NRK: variants seen among roughly 807,000 people sequenced by gnomAD.
NRK encodes the protein nik-related protein kinase.
In NRK, 67 loss-of-function variants were observed where a neutral mutation model predicts 125.2. The ratio of observed to expected loss-of-function variants is 0.54; its 90% confidence interval spans 0.44 to 0.66. The LOEUF (loss-of-function observed/expected upper bound fraction) is 0.66. NRK is among the 30% of genes least tolerant of loss of function. The pLI, the probability that NRK is intolerant of heterozygous loss-of-function variation, is 0.00. For missense variants in NRK, 1,224 were observed against 1,192.9 expected, an observed-to-expected ratio of 1.03 and a Z score of -0.38; for synonymous variants, 458 against 429.0, an observed-to-expected ratio of 1.07 and a Z score of -0.84.
At chrX:105,862,041 C>A (rs780215484) in intron 2 of NRK, among the ~76,000 whole-genome samples, 3 of 110,209 alleles carry the variant, frequency 2.7e-5, no homozygotes, top group Non-Finnish European at 5.7e-5. Flanking sequence ...CCAGCCTGTG[C>A]GGCACAGCAA....
At chrX:105,845,631 C>A (rs186550332) in intron 2 of NRK, among the ~76,000 whole-genome samples, 42 of 111,585 alleles carry the variant, frequency 3.8e-4, no homozygotes, top group South Asian at 1.5e-3. Context: ...TCAACTTTAC[C>A]CCCATCACAG....
intron 13 of NRK, among the ~76,000 whole-genome samples, chrX:105,910,258 T>C (rs1344874585): frequency 8.9e-6 from 1 of 112,232 alleles, no homozygotes. Context: ...CAAAATTTGC[T>C]TTTGTTACTC....
At position 105,937,385 on chromosome X, in the gene NRK, A is replaced by G. The variant is rs1324995193; in HGVS notation, c.3656-54A>G. On this transcript the variant is annotated intron_variant, in intron 21 of 28. Transcript: ENST00000243300. ...TGGAATAGCAAAAATAGTAATATAG[A>G]TGCAATTATGAAAAATAATCTGAGC... The G allele has an allele frequency of 8.4e-6, 6 of 711,926 alleles. No individual in the cohort carries two copies. In the East Asian group the frequency reaches 1.8e-4, roughly 21 times the overall value. The allele number at this position is 711,926 out of a possible 1,213,427, so 58.7% of individuals were successfully genotyped here. A position where few individuals can be genotyped will look rare whatever the true frequency, so the allele number is the denominator to read the frequency against.
At chrX:105,870,602 G>A (rs972297043) in intron 2 of NRK, among the ~76,000 whole-genome samples, 3 of 111,757 alleles carry the variant, frequency 2.7e-5, no homozygotes, top group Non-Finnish European at 3.8e-5. Context: ...TGTACAATTC[G>A]TCATTTGAGT....
chrX:105,864,152 C>T (rs1180142962), intron 2 of NRK, among the ~76,000 whole-genome samples: 1 of 111,937 alleles, frequency 8.9e-6, no homozygotes, highest in Non-Finnish European at 1.9e-5. Flanking sequence ...GCAGAGTGTA[C>T]ACTTGTAAAT....
intron 2 of NRK, among the ~76,000 whole-genome samples, chrX:105,835,716 C>T: frequency 9.2e-6 from 1 of 108,447 alleles, no homozygotes; most frequent in Non-Finnish European, 1.9e-5. Flanking sequence ...TCCCCTAGGG[C>T]TTAAGACTTT....
At chrX:105,901,149 T>A (rs774863105) in intron 9 of NRK, among the ~76,000 whole-genome samples, 17 of 110,565 alleles carry the variant, frequency 1.5e-4, no homozygotes, top group Non-Finnish European at 2.5e-4. Context: ...GAAGTAAGCC[T>A]GTTTTTTTTT....
chrX:105,927,556 A>C lies in NRK; in HGVS notation c.3312+2525A>C, dbSNP rs188357269. On this transcript the variant is annotated intron_variant, in intron 19 of 28. Coordinates refer to ENST00000243300, the MANE Select transcript of NRK (RefSeq NM_198465.4). ...AAAGTGGATATTTTTGTCTTATTCC[A>C]GTTCTTAGAGGAAAGAATTTCAGCT... Among the ~76,000 whole-genome samples, 162 of 111,425 alleles carry C rather than the reference A, an allele frequency of 1.5e-3. 1 individual carries two copies. The highest frequency in any genetic ancestry group is 5.1e-3 in the African/African-American group (156 of 30,832).
intron 2 of NRK, among the ~76,000 whole-genome samples, chrX:105,846,198 G>A (rs780222108): frequency 3.6e-5 from 4 of 111,918 alleles, no homozygotes; most frequent in East Asian, 2.8e-4. Flanking sequence ...CACAGGCCAG[G>A]CTATCACTGG....
chrX:105,869,377 T>G (rs2039713640), intron 2 of NRK, among the ~76,000 whole-genome samples: 1 of 111,516 alleles, frequency 9.0e-6, no homozygotes, highest in South Asian at 3.8e-4. Flanking sequence ...TTGTACTATC[T>G]TAAATGTAAA....
At chrX:105,845,225 A>G (rs753857370) in intron 2 of NRK, among the ~76,000 whole-genome samples, 2 of 112,164 alleles carry the variant, frequency 1.8e-5, no homozygotes, top group Non-Finnish European at 3.8e-5. Context: ...AAAAAAAGCT[A>G]TGAGGGCAGG....
intron 4 of NRK, 53 bp from the exon 5 acceptor site, chrX:105,888,241 A>G (rs1054620370): frequency 1.9e-6 from 2 of 1,078,965 alleles, no homozygotes; most frequent in South Asian, 2.3e-5. Flanking sequence ...TTAGGGACTT[A>G]TAGTCATTGA....
chrX:105,919,702 T>C (rs1376267381), intron 16 of NRK, among the ~76,000 whole-genome samples: 1 of 111,697 alleles, frequency 9.0e-6, no homozygotes, highest in Non-Finnish European at 1.9e-5. Context: ...TGTATTGAAC[T>C]ACATCTGGAT....
rs765861647 is a variant in NRK at position 105,923,209 on chromosome X, G to A, written c.2702G>A (p.Arg901Gln). Reference protein sequence around the residue: ...VGYNALSEIFRNDWLTPAPVI... With the variant: ...VGYNALSEIFQNDWLTPAPVI... ...TATAATGCACTCTCTGAAATCTTCCGGAATGATTGGTTAACTCCGGCACCT... is the reference window on the plus strand; with the variant it reads ...TATAATGCACTCTCTGAAATCTTCCAGAATGATTGGTTAACTCCGGCACCT... Residue 901 changes from arginine (R) to glutamine (Q), a missense_variant, in exon 18 of 29, where the codon CGG (arginine) becomes CAG (glutamine). Coordinates refer to ENST00000243300, the MANE Select transcript of NRK (RefSeq NM_198465.4). The A allele has an allele frequency of 1.9e-5, 23 of 1,206,652 alleles. No individual in the cohort carries two copies. The highest frequency in any genetic ancestry group is 3.5e-5 in the African/African-American group (2 of 56,844).
intron 27 of NRK, 86 bp downstream of exon 27, chrX:105,949,820 T>G: frequency 1.6e-6 from 1 of 613,680 alleles, no homozygotes; most frequent in Non-Finnish European, 2.5e-6. Flanking sequence ...TTTCCTGAAT[T>G]ATTACATTTT....
At chrX:105,887,267 CAA>C (rs2039959388) in intron 4 of NRK, among the ~76,000 whole-genome samples, 1 of 111,527 alleles carries the variant, frequency 9.0e-6, no homozygotes, top group Non-Finnish European at 1.9e-5. Context: ...TTTAAAAGGA[CAA>C]AGAATTTTGT....
chrX:105,872,135 C>T (rs1279798271), intron 2 of NRK, among the ~76,000 whole-genome samples: 2 of 111,280 alleles, frequency 1.8e-5, no homozygotes, highest in African/African-American at 6.5e-5. Context: ...AAATTTGATA[C>T]ACTTAGGTGT....
At chrX:105,917,355 A>G (rs1050783397) in intron 15 of NRK, among the ~76,000 whole-genome samples, 2 of 111,341 alleles carry the variant, frequency 1.8e-5, no homozygotes, top group Non-Finnish European at 3.8e-5. Context: ...ATACTCTATG[A>G]AAACATATTT....
At chrX:105,833,251 G>T (rs1161938002) in intron 2 of NRK, among the ~76,000 whole-genome samples, 1 of 110,975 alleles carries the variant, frequency 9.0e-6, no homozygotes, top group Non-Finnish European at 1.9e-5. Flanking sequence ...AATATAGACT[G>T]AAATATATTG....
Sources: gnomAD v4.1 joint callset for allele counts (sites outside exome capture counted in the v4.1 genomes callset) on GRCh38, gnomAD v4.1.1 for gene constraint, MANE v1.5 for transcripts, NCBI Gene and HGNC (gene_info 2026-07-23, HGNC 2026-07-21) for gene names.